EHBP1: variants seen among roughly 807,000 people sequenced by gnomAD.
EHBP1 encodes EH domain-binding protein 1.
Under a neutral mutation model 144.0 loss-of-function variants are expected in EHBP1, and 55 were observed. That is an observed-to-expected ratio of 0.38 (90% CI 0.31 to 0.48). EHBP1 has a LOEUF of 0.48. Ranked by LOEUF, EHBP1 falls within the 20% of genes least tolerant of loss-of-function variation. The pLI, the probability that EHBP1 is intolerant of heterozygous loss-of-function variation, is 0.98. For missense variants in EHBP1, 1,200 were observed against 1,364.2 expected (o/e 0.88, Z 1.90); for synonymous variants, 469 against 472.7 (o/e 0.99, Z 0.10).
At chr2:62,759,551 G>A (rs770155474) in intron 3 of EHBP1, among the ~76,000 whole-genome samples, 4 of 151,942 alleles carry the variant, frequency 2.6e-5, no homozygotes, top group Non-Finnish European at 4.4e-5. Context: ...GATTACAGAC[G>A]CCCACCACTA....
intron 10 of EHBP1, among the ~76,000 whole-genome samples, chr2:62,929,291 A>G (rs1368179474): frequency 6.6e-6 from 1 of 152,208 alleles, no homozygotes; most frequent in African/African-American, 2.4e-5. Flanking sequence ...ACAAAACTGC[A>G]GACTAATATC....
intron 6 of EHBP1, among the ~76,000 whole-genome samples, chr2:62,828,554 A>T (rs888994577): frequency 1.3e-5 from 2 of 152,170 alleles, no homozygotes; most frequent in African/African-American, 4.8e-5. Context: ...TTTTCCTGCT[A>T]TAATAGTTTC....
chr2:62,891,776 A>T (rs2052479509), intron 10 of EHBP1, among the ~76,000 whole-genome samples: 1 of 152,106 alleles, frequency 6.6e-6, no homozygotes, highest in Admixed American at 6.6e-5. Context: ...ACTAGGTTTT[A>T]AGTTTATGGC....
chr2:62,759,314 GC>G (rs1180890657), intron 3 of EHBP1, among the ~76,000 whole-genome samples: 2 of 152,126 alleles, frequency 1.3e-5, no homozygotes, highest in Non-Finnish European at 1.5e-5. Context: ...GTGTTCCTGT[GC>G]CTACTTATTT....
chr2:62,826,039 T>C, intron 5 of EHBP1, 48 bp from the exon 6 acceptor site: 1 of 1,345,296 alleles, frequency 7.4e-7, no homozygotes, highest in Non-Finnish European at 9.8e-7. Context: ...AATGTTTGGC[T>C]ATAAAATAAC....
chr2:62,927,515 A>AGACAAAG (rs1357438236), intron 10 of EHBP1, among the ~76,000 whole-genome samples: 1 of 152,222 alleles, frequency 6.6e-6, no homozygotes, highest in Non-Finnish European at 1.5e-5. Flanking sequence ...AAGTTACAAG[A>AGACAAAG]GACAAAGGAC....
chr2:62,735,827 C>G (rs2038067923), intron 2 of EHBP1, among the ~76,000 whole-genome samples: 1 of 152,102 alleles, frequency 6.6e-6, no homozygotes. Flanking sequence ...TTTCTCTCAA[C>G]ACTAAAGATT....
At chr2:62,994,423 G>T (rs2059549692) in intron 18 of EHBP1, among the ~76,000 whole-genome samples, 1 of 152,032 alleles carries the variant, frequency 6.6e-6, no homozygotes, top group Non-Finnish European at 1.5e-5. Context: ...CTAGCTGAAT[G>T]ATGTTTGCAT....
intron 12 of EHBP1, among the ~76,000 whole-genome samples, chr2:62,945,841 A>T (rs1434606083): frequency 1.3e-5 from 2 of 152,196 alleles, no homozygotes; most frequent in Non-Finnish European, 2.9e-5. Context: ...GTCTCTATTG[A>T]AATATGCCAC....
intron 2 of EHBP1, among the ~76,000 whole-genome samples, chr2:62,728,041 T>G (rs1030066271): frequency 2.0e-5 from 3 of 152,152 alleles, no homozygotes; most frequent in Non-Finnish European, 2.9e-5. Context: ...GCATATCTGG[T>G]TGTGATATTT....
intron 1 of EHBP1, among the ~76,000 whole-genome samples, chr2:62,698,855 G>C (rs942992778): frequency 3.3e-5 from 5 of 152,196 alleles, no homozygotes; most frequent in African/African-American, 1.2e-4. Context: ...AGTTAATCCT[G>C]CCCTTTGAAA....
At chr2:62,944,402 A>G (rs375159800) in intron 12 of EHBP1, among the ~76,000 whole-genome samples, 16 of 152,160 alleles carry the variant, frequency 1.1e-4, no homozygotes, top group Non-Finnish European at 4.4e-5. Context: ...TACCTTTTCT[A>G]TGTTTAGATA....
At position 62,929,955 on chromosome 2, in the gene EHBP1, C is replaced by T. The variant is rs369962004; in HGVS notation, c.1186-12763C>T. Among the ~76,000 whole-genome samples, 74 of 152,200 alleles carry T rather than the reference C, an allele frequency of 4.9e-4. 1 individual carries two copies. Among genetic ancestry groups the T allele is most frequent in the African/African-American group, 1.6e-3 (66 of 41,530 alleles). Reference sequence around the variant, plus strand: ...GAAATTAAGAAAGTACTTTCATTAACAATAGCATCAGCCAGACACAGAAGC... The same window carrying T: ...GAAATTAAGAAAGTACTTTCATTAATAATAGCATCAGCCAGACACAGAAGC... On this transcript the variant is annotated intron_variant, in intron 10 of 22. Transcript: ENST00000431489.
At chr2:62,724,854 A>G (rs2036592861) in intron 2 of EHBP1, among the ~76,000 whole-genome samples, 1 of 152,262 alleles carries the variant, frequency 6.6e-6, no homozygotes, top group South Asian at 2.1e-4. Flanking sequence ...CACAAATGCT[A>G]TTGTGTACTG....
chr2:62,949,891 A>G (rs555506248), intron 13 of EHBP1, among the ~76,000 whole-genome samples: 3 of 152,170 alleles, frequency 2.0e-5, no homozygotes, highest in Non-Finnish European at 4.4e-5. Flanking sequence ...CACAACAAAA[A>G]AGAACAACAT....
intron 7 of EHBP1, among the ~76,000 whole-genome samples, chr2:62,848,289 G>A (rs1256293005): frequency 4.6e-5 from 7 of 151,746 alleles, no homozygotes; most frequent in Non-Finnish European, 8.8e-5. Flanking sequence ...CACCATGTTG[G>A]CCAGTCTGGC....
intron 3 of EHBP1, among the ~76,000 whole-genome samples, chr2:62,753,141 G>C (rs908734100): frequency 1.3e-5 from 2 of 152,152 alleles, no homozygotes; most frequent in African/African-American, 2.4e-5. Flanking sequence ...GGCTGGTACT[G>C]GTTGTTCCTT....
intron 10 of EHBP1, among the ~76,000 whole-genome samples, chr2:62,895,308 CAT>C (rs2052813046): frequency 6.6e-5 from 10 of 152,000 alleles, no homozygotes; most frequent in African/African-American, 2.2e-4. Flanking sequence ...TCATCATCAT[CAT>C]CATCATCATC....
At chr2:62,887,268 G>A (rs536379348) in intron 10 of EHBP1, among the ~76,000 whole-genome samples, 100 of 152,214 alleles carry the variant, frequency 6.6e-4, no homozygotes, top group Middle Eastern at 6.8e-3. Context: ...TTGTGTTACA[G>A]CTGAAAATCA....
Sources: allele counts gnomAD v4.1 joint callset (sites outside exome capture counted in the v4.1 genomes callset), GRCh38; gene constraint gnomAD v4.1.1; transcripts MANE v1.5; gene names NCBI Gene and HGNC (gene_info 2026-07-23, HGNC 2026-07-21).